The following CNTNAP2 variants were observed in gnomAD, a reference collection of about 807,000 sequenced individuals.
CNTNAP2 encodes the protein contactin-associated protein-like 2.
In CNTNAP2, 98 loss-of-function variants were observed where a neutral mutation model predicts 155.2. The observed-to-expected ratio is 0.63, with a 90% CI of 0.54 to 0.75. The LOEUF (loss-of-function observed/expected upper bound fraction) is 0.75. Ranked by LOEUF, CNTNAP2 falls within the 30% of genes least tolerant of loss-of-function variation. CNTNAP2 has a pLI of 0.00. For missense variants in CNTNAP2, 1,727 were observed against 1,688.1 expected (o/e 1.02, Z -0.40); for synonymous variants, 651 against 631.2 (o/e 1.03, Z -0.47).
intron 1 of CNTNAP2, among the ~76,000 whole-genome samples, chr7:146,127,625 T>C (rs985588429): frequency 1.3e-5 from 2 of 152,212 alleles, no homozygotes; most frequent in African/African-American, 4.8e-5. Flanking sequence ...CTGCTTTTCT[T>C]AAGCCACATG....
At chr7:148,054,868 A>C (rs1802978312) in intron 15 of CNTNAP2, among the ~76,000 whole-genome samples, 1 of 150,466 alleles carries the variant, frequency 6.6e-6, no homozygotes, top group African/African-American at 2.5e-5. Flanking sequence ...CCAGTATGTA[A>C]ATTAATAGGA....
intron 1 of CNTNAP2, among the ~76,000 whole-genome samples, chr7:146,135,216 A>AAAATTTT (rs748536746): frequency 1.1e-3 from 167 of 152,258 alleles, no homozygotes; most frequent in Admixed American, 3.8e-3. Flanking sequence ...TTAGAGGAAG[A>AAAATTTT]AAATTTTAAA....
chr7:146,732,410 C>T (rs1801541548), intron 1 of CNTNAP2, among the ~76,000 whole-genome samples: 1 of 152,098 alleles, frequency 6.6e-6, no homozygotes, highest in Non-Finnish European at 1.5e-5. Context: ...TGCTGCTAAC[C>T]AGTAAGTCAG....
intron 13 of CNTNAP2, among the ~76,000 whole-genome samples, chr7:147,710,932 A>G (rs1335136713): frequency 6.6e-6 from 1 of 152,308 alleles, no homozygotes; most frequent in East Asian, 1.9e-4. Flanking sequence ...AAAGGCCTCT[A>G]GGACTCTCAG....
chr7:146,380,784 C>CTTTTTT lies in CNTNAP2; in HGVS notation c.97+263839_97+263844dup, dbSNP rs56886106. ...ATATTTCTTGCTTCTTATGCACGTT[C>CTTTTTT]TTTTTTTTTTTTTTTTTTTTTTTTT... On this transcript the variant is annotated intron_variant, in intron 1 of 23. Transcript: ENST00000361727. 1.0e-3 allele frequency among the ~76,000 whole-genome samples: 40 copies of CTTTTTT among 38,820 alleles called. 5 individuals are homozygous for CTTTTTT. The highest frequency in any genetic ancestry group is 2.2e-3 in the African/African-American group (28 of 12,766). The allele number at this position is 38,820 out of a possible 152,430, so 25.5% of individuals were successfully genotyped here. A position where few individuals can be genotyped will look rare whatever the true frequency, so the allele number is the denominator to read the frequency against.
intron 12 of CNTNAP2, among the ~76,000 whole-genome samples, chr7:147,575,108 TGTGTGTGTG>T (rs1181883639): frequency 4.6e-5 from 1 of 21,800 alleles, no homozygotes; most frequent in African/African-American, 2.6e-4. Flanking sequence ...TTGTGGGAAA[TGTGTGTGTG>T]TGTGTGTGTG....
chr7:148,307,302 C>T lies in CNTNAP2; in HGVS notation c.3475+40176C>T, dbSNP rs149805717. ...GGGATCTGGGGATATAAATGTTCTTCACGAGCTTCCAGTGAGTTCTTCTGT... is the reference window on the plus strand; with the variant it reads ...GGGATCTGGGGATATAAATGTTCTTTACGAGCTTCCAGTGAGTTCTTCTGT... On this transcript the variant is annotated intron_variant, in intron 21 of 23. Transcript: ENST00000361727. Among the ~76,000 whole-genome samples, 650 of 152,276 alleles carry T rather than the reference C, an allele frequency of 4.3e-3. 1 individual carries two copies. Among genetic ancestry groups the T allele is most frequent in the African/African-American group, 0.014 (601 of 41,560 alleles).
intron 4 of CNTNAP2, among the ~76,000 whole-genome samples, chr7:147,098,402 C>G (rs1166625626): frequency 6.6e-6 from 1 of 151,724 alleles, no homozygotes; most frequent in Admixed American, 6.6e-5. Flanking sequence ...ATTTATCTTA[C>G]TCAGTCTTAA....
chr7:148,159,260 C>T (rs768089043), intron 17 of CNTNAP2, among the ~76,000 whole-genome samples: 25 of 152,130 alleles, frequency 1.6e-4, no homozygotes, highest in South Asian at 4.1e-4. Flanking sequence ...TCACCATTGC[C>T]AGCTTCACCC....
chr7:147,619,317 T>G (rs1014502883), intron 12 of CNTNAP2, among the ~76,000 whole-genome samples: 4 of 152,234 alleles, frequency 2.6e-5, no homozygotes, highest in African/African-American at 9.6e-5. Flanking sequence ...GGGAATAAGA[T>G]TCTTAATTTT....
In CNTNAP2 at chr7:147,980,768, C is replaced by CAAA. The variant is rs375398761; in HGVS notation, c.2383+2790_2383+2792dup. 7.9e-4 allele frequency among the ~76,000 whole-genome samples: 107 copies of CAAA among 135,662 alleles called. 1 individual carries two copies. Among genetic ancestry groups the CAAA allele is most frequent in the Middle Eastern group, 3.6e-3 (1 of 274 alleles). The allele number at this position is 135,662 out of a possible 152,430, so 89.0% of individuals were successfully genotyped here. On this transcript the variant is annotated intron_variant, in intron 15 of 23. Transcript: ENST00000361727. ...TGAAACCCCGTCTCTACTAAAAATACAAAAAAAAAAAAATTAGCCGGGCGT... is the reference window on the plus strand; with the variant it reads ...TGAAACCCCGTCTCTACTAAAAATACAAAAAAAAAAAAAAAATTAGCCGGGCGT...
intron 14 of CNTNAP2, among the ~76,000 whole-genome samples, chr7:147,927,736 C>G (rs1034714862): frequency 6.6e-6 from 1 of 152,176 alleles, no homozygotes; most frequent in Admixed American, 6.5e-5. Context: ...TCAGAAATAA[C>G]TACTGATATT....
chr7:147,247,305 T>G (rs1804089873), intron 8 of CNTNAP2, among the ~76,000 whole-genome samples: 2 of 152,288 alleles, frequency 1.3e-5, no homozygotes, highest in South Asian at 2.1e-4. Flanking sequence ...AACAACAGAA[T>G]CAAGTCACCT....
intron 13 of CNTNAP2, among the ~76,000 whole-genome samples, chr7:147,767,962 A>C (rs1308909632): frequency 6.6e-6 from 1 of 152,120 alleles, no homozygotes; most frequent in Non-Finnish European, 1.5e-5. Context: ...TGGAATATCT[A>C]GGGTCTGGAT....
intron 15 of CNTNAP2, among the ~76,000 whole-genome samples, chr7:147,981,426 A>G (rs1340773282): frequency 6.6e-6 from 1 of 152,208 alleles, no homozygotes; most frequent in African/African-American, 2.4e-5. Flanking sequence ...GTTTATAGAG[A>G]TGAACTTACT....
chr7:146,183,904 A>C (rs1388128101), intron 1 of CNTNAP2, among the ~76,000 whole-genome samples: 2 of 152,152 alleles, frequency 1.3e-5, no homozygotes, highest in Non-Finnish European at 2.9e-5. Flanking sequence ...CACACTCGGA[A>C]TCTTTTTTAC....
chr7:146,973,279 C>CA (rs1797840845), intron 3 of CNTNAP2, among the ~76,000 whole-genome samples: 1 of 152,168 alleles, frequency 6.6e-6, no homozygotes, highest in Admixed American at 6.5e-5. Flanking sequence ...CCACCCGCCT[C>CA]AGCCTCCCAA....
chr7:147,954,502 T>C (rs1375135228), intron 14 of CNTNAP2, among the ~76,000 whole-genome samples: 1 of 151,982 alleles, frequency 6.6e-6, no homozygotes, highest in Non-Finnish European at 1.5e-5. Context: ...GATGATGACA[T>C]AAAGCAGTAG....
intron 12 of CNTNAP2, among the ~76,000 whole-genome samples, chr7:147,598,789 T>C (rs571903057): frequency 1.8e-4 from 27 of 152,242 alleles, no homozygotes; most frequent in African/African-American, 5.8e-4. Context: ...TGGGGGCGGT[T>C]ACCCTCATGC....
Sources: gnomAD v4.1 joint callset for allele counts (sites outside exome capture counted in the v4.1 genomes callset) on GRCh38, gnomAD v4.1.1 for gene constraint, MANE v1.5 for transcripts, NCBI Gene and HGNC (gene_info 2026-07-23, HGNC 2026-07-21) for gene names.